The following TSPEAR variants were observed in gnomAD, a reference collection of about 807,000 sequenced individuals.
TSPEAR encodes the protein thrombospondin type laminin G domain and EAR repeats.
Under a neutral mutation model 71.6 loss-of-function variants are expected in TSPEAR, and 69 were observed. The ratio of observed to expected loss-of-function variants is 0.96; its 90% CI spans 0.79 to 1.18. TSPEAR has a LOEUF of 1.18. Ranked by LOEUF, TSPEAR falls within the 50% of genes most tolerant of loss-of-function variation. TSPEAR has a pLI of 0.00. For missense variants in TSPEAR, 971 were observed against 894.9 expected, an observed-to-expected ratio of 1.09 and a Z score of -1.09; for synonymous variants, 402 against 387.2, an observed-to-expected ratio of 1.04 and a Z score of -0.45.
intron 1 of TSPEAR, chr21:44,686,445 C>A (rs1233328518): frequency 6.4e-6 from 1 of 155,124 alleles, no homozygotes; most frequent in South Asian, 1.9e-4. Flanking sequence ...CCTGGCCACC[C>A]CCGCCCTGCC....
chr21:44,524,827 GTCAA>G (rs2052815982), intron 8 of TSPEAR, among the ~76,000 whole-genome samples: 1 of 151,800 alleles, frequency 6.6e-6, no homozygotes, highest in East Asian at 2.0e-4. Flanking sequence ...CAGGTAGTTA[GTCAA>G]TCAGTCAGTG....
At chr21:44,637,809 G>C (rs2146220752) in intron 1 of TSPEAR, 4 of 1,368,608 alleles carry the variant, frequency 2.9e-6, no homozygotes, top group Non-Finnish European at 4.0e-6. Context: ...CAGCAGTCTA[G>C]CTGCCAGCCA....
At chr21:44,654,137 C>T (rs1380229510) in intron 1 of TSPEAR, 44 of 674,620 alleles carry the variant, frequency 6.5e-5, no homozygotes, top group South Asian at 2.2e-4. Context: ...GATCTAGTGA[C>T]GGTGCCGCAA....
At chr21:44,515,815 G>A (rs1184333634) in intron 9 of TSPEAR, 2 of 152,242 alleles carry the variant, frequency 1.3e-5, no homozygotes, top group African/African-American at 4.8e-5. Flanking sequence ...GATCAACGAA[G>A]CTCAGAATCC....
At chr21:44,707,066 T>C (rs2146339250) in intron 1 of TSPEAR, among the ~76,000 whole-genome samples, 1 of 152,360 alleles carries the variant, frequency 6.6e-6, no homozygotes, top group African/African-American at 2.4e-5. Flanking sequence ...GTGGGATCAG[T>C]GAGGAATCCC....
At chr21:44,685,312 C>T (rs1986805350) in intron 1 of TSPEAR, among the ~76,000 whole-genome samples, 2 of 152,116 alleles carry the variant, frequency 1.3e-5, no homozygotes, top group Admixed American at 6.5e-5. Flanking sequence ...GCGCTGTGGC[C>T]AATCCATCGA....
intron 1 of TSPEAR, among the ~76,000 whole-genome samples, chr21:44,617,995 C>T (rs781984430): frequency 1.3e-5 from 2 of 152,124 alleles, no homozygotes; most frequent in Admixed American, 6.5e-5. Context: ...CTGCTAAGAC[C>T]GATGACAGAG....
chr21:44,557,756 C>A, intron 2 of TSPEAR: 1 of 461,298 alleles, frequency 2.2e-6, no homozygotes, highest in South Asian at 3.3e-5. Flanking sequence ...GTTCTTCCCA[C>A]AGGGTTTGCC....
chr21:44,580,105 G>A (rs782045149), intron 1 of TSPEAR: 1 of 1,613,686 alleles, frequency 6.2e-7, no homozygotes, highest in South Asian at 1.1e-5. Flanking sequence ...AAGTCGGCTG[G>A]CAGCTAGAAT....
At chr21:44,579,975 G>T in intron 1 of TSPEAR, 1 of 1,613,404 alleles carries the variant, frequency 6.2e-7, no homozygotes, top group Non-Finnish European at 8.5e-7. Context: ...CAGCTAGACT[G>T]CTGGCAGCAT....
At chr21:44,693,384 G>A (rs1003043385) in intron 1 of TSPEAR, among the ~76,000 whole-genome samples, 1 of 152,046 alleles carries the variant, frequency 6.6e-6, no homozygotes, top group African/African-American at 2.4e-5. Flanking sequence ...AAACTTTTTT[G>A]AATCAGAGAA....
chr21:44,591,802 C>T, intron 1 of TSPEAR: 2 of 1,586,404 alleles, frequency 1.3e-6, no homozygotes, highest in Non-Finnish European at 1.7e-6. Flanking sequence ...GGGCACGCAG[C>T]AGGCCTGCTG....
chr21:44,521,820 A>T, intron 9 of TSPEAR, 63 bp downstream of exon 9: 1 of 1,438,036 alleles, frequency 7.0e-7, no homozygotes, highest in Non-Finnish European at 9.7e-7. Context: ...CCTGTCCAGC[A>T]GGTGCAGGTG....
rs1555912248 is a variant in TSPEAR at position 44,508,947 on chromosome 21, G to T, written c.1754+252C>A. 2.6e-6 allele frequency: 4 copies of T among 1,532,442 alleles called. No individual in the cohort carries two copies. In the East Asian group the frequency reaches 1.0e-4, roughly 39 times the overall value. The allele number at this position is 1,532,442 out of a possible 1,614,324, so 94.9% of individuals were successfully genotyped here. ...GAAAGGAGGTAATGGGTGTGAAGGG[G>T]CAGAACTCCGCACACAGCACCCGGC... is the stretch of plus-strand genomic sequence containing the variant. On this transcript the variant is annotated intron_variant, in intron 10 of 11. Transcript: ENST00000323084.
intron 11 of TSPEAR, 152 bp from the exon 12 acceptor site, chr21:44,500,088 A>G (rs782394725): frequency 4.0e-6 from 3 of 741,888 alleles, no homozygotes; most frequent in Non-Finnish European, 4.1e-6. Flanking sequence ...GGGGAGATCG[A>G]TTCTGGGCCA....
In TSPEAR at chr21:44,546,463, T is replaced by C. The variant is rs1243783198; in HGVS notation, c.304-12540A>G. 6.6e-6 allele frequency among the ~76,000 whole-genome samples: 1 copy of C among 152,182 alleles called. No homozygotes were observed. Among genetic ancestry groups the C allele is most frequent in the Admixed American group, 6.5e-5 (1 of 15,280 alleles). On this transcript the variant is annotated intron_variant, in intron 2 of 11. Transcript: ENST00000323084. This position sits in a 1 kb window ranked among gnomAD's most constrained non-coding sequence, Gnocchi z 4.4. The stretch of plus-strand genomic sequence containing the variant: ...CATTCTCCTGCCTCAGCCTCCTGAG[T>C]AGCTGGGACTACAGGCTCCCGCCAC...
intron 1 of TSPEAR, chr21:44,637,461 A>G (rs1983665931): frequency 6.2e-7 from 1 of 1,612,612 alleles, no homozygotes; most frequent in Non-Finnish European, 8.5e-7. Context: ...GCCTGCACTG[A>G]CTCTTGGCGG....
intron 2 of TSPEAR, among the ~76,000 whole-genome samples, chr21:44,566,138 C>A (rs587725948): frequency 2.6e-5 from 4 of 152,266 alleles, no homozygotes; most frequent in African/African-American, 9.6e-5. Flanking sequence ...CGAGATTGCA[C>A]CACTGCATTC....
At chr21:44,539,518 G>A (rs782524358) in intron 2 of TSPEAR, 1 of 1,613,682 alleles carries the variant, frequency 6.2e-7, no homozygotes, top group Non-Finnish European at 8.5e-7. Flanking sequence ...TAGACTGCTG[G>A]CAGCATGAAG....
Sources: allele counts gnomAD v4.1 joint callset (sites outside exome capture counted in the v4.1 genomes callset), GRCh38; gene constraint gnomAD v4.1.1; non-coding constraint Gnocchi (gnomAD v3.1); transcripts MANE v1.5; gene names NCBI Gene and HGNC (gene_info 2026-07-23, HGNC 2026-07-21).